Variants in C8orf34 observed in about 807,000 individuals in gnomAD.
C8orf34 encodes uncharacterized protein C8orf34.
A neutral mutation model predicts 68.3 loss-of-function variants in C8orf34; 65 were observed. That is an observed-to-expected ratio of 0.95 (90% CI 0.78 to 1.17). The LOEUF is 1.17. C8orf34 is among the 50% of genes most tolerant of loss of function. The probability of loss-of-function intolerance (pLI) is 0.00; values close to 1 mark genes in which losing one functional copy is unlikely to be tolerated. For synonymous variants in C8orf34, 244 were observed against 241.2 expected, an observed-to-expected ratio of 1.01 and a Z score of -0.11; for missense variants, 664 against 655.4, an observed-to-expected ratio of 1.01 and a Z score of -0.14.
intron 1 of C8orf34, among the ~76,000 whole-genome samples, chr8:68,428,163 A>G (rs1810307413): frequency 6.6e-6 from 1 of 151,862 alleles, no homozygotes; most frequent in African/African-American, 2.4e-5. Flanking sequence ...TTAAAAAGCA[A>G]ATAAAGATAT....
intron 3 of C8orf34, among the ~76,000 whole-genome samples, chr8:68,461,191 G>C (rs1811805314): frequency 6.6e-6 from 1 of 152,340 alleles, no homozygotes; most frequent in Middle Eastern, 3.4e-3. Flanking sequence ...AAGCGTATCA[G>C]TGATGGAAGA....
intron 6 of C8orf34, among the ~76,000 whole-genome samples, chr8:68,522,925 A>G (rs1479782551): frequency 6.6e-6 from 1 of 152,166 alleles, no homozygotes; most frequent in African/African-American, 2.4e-5. Context: ...ATTTAGCAGC[A>G]ACCAATAACT....
intron 1 of C8orf34, among the ~76,000 whole-genome samples, chr8:68,413,796 T>C (rs1211458292): frequency 6.6e-6 from 1 of 152,220 alleles, no homozygotes; most frequent in East Asian, 1.9e-4. Flanking sequence ...CTTCTTCCTC[T>C]CTTGACCTTT....
intron 7 of C8orf34, among the ~76,000 whole-genome samples, chr8:68,617,198 G>C (rs1818247726): frequency 6.6e-6 from 1 of 152,094 alleles, no homozygotes; most frequent in Non-Finnish European, 1.5e-5. Context: ...ACGTGAGAAG[G>C]GTTTCCTGAG....
chr8:68,368,218 A>G, intron 1 of C8orf34, among the ~76,000 whole-genome samples: 1 of 152,140 alleles, frequency 6.6e-6, no homozygotes, highest in East Asian at 1.9e-4. Context: ...AAGTTTTTCA[A>G]TGATTTTAAA....
At chr8:68,719,110 A>G (rs1419194513) in intron 9 of C8orf34, among the ~76,000 whole-genome samples, 2 of 152,162 alleles carry the variant, frequency 1.3e-5, no homozygotes, top group Non-Finnish European at 2.9e-5. Flanking sequence ...TAGAACACAT[A>G]AACAATGGCA....
chr8:68,339,362 A>G (rs948529598), intron 1 of C8orf34, among the ~76,000 whole-genome samples: 1 of 152,008 alleles, frequency 6.6e-6, no homozygotes, highest in African/African-American at 2.4e-5. Context: ...TTTATGTTCA[A>G]GCAAACAACC....
At position 68,427,180 on chromosome 8, in the gene C8orf34, T is replaced by A. The variant is rs77028756; in HGVS notation, c.328-12319T>A. On this transcript the variant is annotated intron_variant, in intron 1 of 13. Coordinates refer to ENST00000518698, the MANE Select transcript of C8orf34 (RefSeq NM_052958.4). ...CTAACATGTAATGCAGTAATTGTACTCTTAGGTACTTATCCTAAAGAAATG... is the reference window on the plus strand; with the variant it reads ...CTAACATGTAATGCAGTAATTGTACACTTAGGTACTTATCCTAAAGAAATG... Among the ~76,000 whole-genome samples the A allele has an allele frequency of 6.6e-3, 1,009 of 152,276 alleles. 13 individuals carry two copies. The highest frequency in any genetic ancestry group is 0.027 in the Middle Eastern group (8 of 294).
intron 5 of C8orf34, among the ~76,000 whole-genome samples, chr8:68,512,402 AG>A (rs1008573692): frequency 1.3e-5 from 2 of 152,200 alleles, no homozygotes; most frequent in African/African-American, 4.8e-5. Context: ...TGGATGTTTC[AG>A]GGGCCCTTTG....
At chr8:68,512,978 C>T (rs932682773) in intron 5 of C8orf34, among the ~76,000 whole-genome samples, 5 of 152,094 alleles carry the variant, frequency 3.3e-5, no homozygotes, top group African/African-American at 4.8e-5. Context: ...TAATTAAGGG[C>T]GTGATTAGTT....
At chr8:68,447,184 CTT>C (rs2129626912) in intron 3 of C8orf34, 1 of 152,474 alleles carries the variant, frequency 6.6e-6, no homozygotes, top group South Asian at 2.1e-4. Context: ...GTGCCAGGCT[CTT>C]TTTAACAGTC....
chr8:68,563,497 T>A (rs549029593), intron 7 of C8orf34, among the ~76,000 whole-genome samples: 1 of 152,064 alleles, frequency 6.6e-6, no homozygotes, highest in Non-Finnish European at 1.5e-5. Context: ...AACACAACTT[T>A]TAAAGGGTTT....
At chr8:68,415,535 C>G (rs1809629485) in intron 1 of C8orf34, among the ~76,000 whole-genome samples, 1 of 152,092 alleles carries the variant, frequency 6.6e-6, no homozygotes, top group African/African-American at 2.4e-5. Context: ...ACATGGGGTT[C>G]AGGAGATTGC....
chr8:68,704,362 A>G (rs16934930), intron 8 of C8orf34, among the ~76,000 whole-genome samples: 11,521 of 152,148 alleles, frequency 0.076, 650 homozygotes, highest in African/African-American at 0.16. Context: ...GCCAGAGGTA[A>G]TAGTATAATG....
rs182842032 is a variant in C8orf34, at chr8:68,456,546, T to C, written c.607+10086T>C. On this transcript the variant is annotated intron_variant, in intron 3 of 13. Transcript: ENST00000518698. ...TTTTTACTAAAATGTATTCTAGCCC[T>C]TATGTAATATTAATTTAGAAATTGT... Among the ~76,000 whole-genome samples the C allele has an allele frequency of 3.9e-4, 59 of 152,338 alleles. 1 individual carries two copies. The highest frequency in any genetic ancestry group is 3.4e-3 in the Middle Eastern group (1 of 294).
At chr8:68,422,825 G>A (rs1350958975) in intron 1 of C8orf34, among the ~76,000 whole-genome samples, 2 of 152,216 alleles carry the variant, frequency 1.3e-5, no homozygotes, top group Non-Finnish European at 2.9e-5. Context: ...AATCTGGGCA[G>A]AGGTTCCCAA....
intron 9 of C8orf34, 95 bp downstream of exon 9, chr8:68,709,174 G>A: frequency 1.1e-6 from 1 of 905,592 alleles, no homozygotes; most frequent in Non-Finnish European, 1.8e-6. Flanking sequence ...ATCTTGCCTT[G>A]CATGAATTCA....
intron 7 of C8orf34, among the ~76,000 whole-genome samples, chr8:68,545,908 G>A (rs374562281): frequency 3.9e-5 from 6 of 152,098 alleles, no homozygotes; most frequent in Admixed American, 2.0e-4. Flanking sequence ...AATAAACACA[G>A]CATTAAAATT....
At chr8:68,466,738 C>CATATATATATATATGTGTATATATAT (rs566438333) in intron 3 of C8orf34, among the ~76,000 whole-genome samples, 12 of 120,628 alleles carry the variant, frequency 9.9e-5, no homozygotes, top group African/African-American at 4.4e-4. Flanking sequence ...CAACGTTGTA[C>CATATATATATATATGTGTATATATAT]ATATATATAT....
Sources: allele counts gnomAD v4.1 joint callset (sites outside exome capture counted in the v4.1 genomes callset), GRCh38; gene constraint gnomAD v4.1.1; transcripts MANE v1.5; gene names NCBI Gene and HGNC (gene_info 2026-07-23, HGNC 2026-07-21).